The following RNFT2 variants were observed in gnomAD, a reference collection of about 807,000 sequenced individuals.
RNFT2 encodes the protein E3 ubiquitin-protein ligase RNFT2.
RNFT2 carries 36 observed loss-of-function variants against 53.0 expected under a neutral mutation model. The ratio of observed to expected loss-of-function variants is 0.68; its 90% CI spans 0.52 to 0.90. The LOEUF (loss-of-function observed/expected upper bound fraction) is 0.90, where lower values mean the gene tolerates loss of function less well. Ranked by LOEUF, RNFT2 falls within the 40% of genes least tolerant of loss-of-function variation. RNFT2 has a pLI of 0.00. For missense variants in RNFT2, 514 were observed against 585.6 expected, an observed-to-expected ratio of 0.88 and a Z score of 1.26; for synonymous variants, 260 against 253.2, an observed-to-expected ratio of 1.03 and a Z score of -0.26.
rs1872198065 is a variant in RNFT2, at chr12:116,750,872, ATATATATATTATATATAT to A, written c.550+566_550+583del. ...ATATAATATATATTATATATATATA[ATATATATATTATATATAT>A]AATATATATATATATATATTTTTTT... On this transcript the variant is annotated intron_variant, in intron 4 of 10. Transcript: ENST00000257575. 3.4e-3 allele frequency among the ~76,000 whole-genome samples: 4 copies of A among 1,160 alleles called. No homozygotes were observed. In the South Asian group the frequency reaches 0.077, roughly 22 times the overall value. 0.8% of individuals were successfully genotyped at this position (1,160 alleles called of 152,430 possible). A position where few individuals can be genotyped will look rare whatever the true frequency, so the allele number is the denominator to read the frequency against.
intron 1 of RNFT2, among the ~76,000 whole-genome samples, chr12:116,739,357 G>A (rs545890294): frequency 1.3e-5 from 2 of 152,176 alleles, no homozygotes; most frequent in South Asian, 2.1e-4. Flanking sequence ...CTTGTTGAGC[G>A]CCACTCTGTG....
intron 7 of RNFT2, among the ~76,000 whole-genome samples, chr12:116,789,123 T>C (rs573983851): frequency 6.3e-5 from 9 of 142,134 alleles, no homozygotes; most frequent in African/African-American, 1.9e-4. Context: ...GGAGAGTGGA[T>C]GGGTGGATGG....
chr12:116,843,857 T>G (rs955564242), intron 10 of RNFT2, among the ~76,000 whole-genome samples: 1 of 152,254 alleles, frequency 6.6e-6, no homozygotes, highest in Non-Finnish European at 1.5e-5. Context: ...ATTTGTCATC[T>G]GCATTCCCAT....
intron 7 of RNFT2, among the ~76,000 whole-genome samples, chr12:116,795,719 C>T (rs571497951): frequency 1.3e-5 from 2 of 152,182 alleles, no homozygotes; most frequent in African/African-American, 4.8e-5. Context: ...GATGGAGAAA[C>T]ATAAAAGCGG....
At chr12:116,789,374 AGAG>A (rs1874104365) in intron 7 of RNFT2, among the ~76,000 whole-genome samples, 1 of 141,828 alleles carries the variant, frequency 7.1e-6, no homozygotes, top group Non-Finnish European at 1.5e-5. Context: ...AAATGGGAGG[AGAG>A]TGAGTAGATG....
chr12:116,789,511 G>A (rs1384525144), intron 7 of RNFT2, among the ~76,000 whole-genome samples: 2 of 150,198 alleles, frequency 1.3e-5, no homozygotes, highest in Non-Finnish European at 3.0e-5. Context: ...ATGGGTAAAT[G>A]GGAGGAGAGT....
intron 6 of RNFT2, among the ~76,000 whole-genome samples, chr12:116,768,052 C>T (rs1872995401): frequency 6.6e-6 from 1 of 150,924 alleles, no homozygotes; most frequent in Non-Finnish European, 1.5e-5. Context: ...TAATAATTGC[C>T]TCTTGGTGGG....
At chr12:116,795,978 G>A (rs1330626689) in intron 7 of RNFT2, among the ~76,000 whole-genome samples, 10 of 151,584 alleles carry the variant, frequency 6.6e-5, no homozygotes, top group Admixed American at 5.3e-4. Flanking sequence ...GTGCAATCTC[G>A]GCTCACTGAA....
chr12:116,788,651 AGTTT>A (rs1235052932), intron 7 of RNFT2, among the ~76,000 whole-genome samples: 2 of 152,118 alleles, frequency 1.3e-5, no homozygotes, highest in Admixed American at 1.3e-4. Context: ...GAATGCATCC[AGTTT>A]GTTTGTTGAT....
At chr12:116,778,721 G>A (rs1028842694) in intron 6 of RNFT2, among the ~76,000 whole-genome samples, 1 of 152,200 alleles carries the variant, frequency 6.6e-6, no homozygotes. Context: ...TGAGTTGGCA[G>A]GTGCCTGTAA....
Position 116,740,531 on chromosome 12 carries a change from C to G in RNFT2, c.24+10C>G, listed in dbSNP as rs1367816176. The stretch of plus-strand genomic sequence containing the variant: ...CTTCACAGTGAATCAGGTGACACGT[C>G]TCCAAGAGAATTTGCATCTTTATTA... On this transcript the variant is annotated intron_variant, in intron 2 of 10. Transcript: ENST00000257575. 1 of 1,566,698 alleles carries G rather than the reference C, an allele frequency of 6.4e-7. No individual in the cohort carries two copies.
intron 7 of RNFT2, among the ~76,000 whole-genome samples, chr12:116,808,296 C>G (rs1482694566): frequency 6.6e-6 from 1 of 152,074 alleles, no homozygotes; most frequent in East Asian, 1.9e-4. Flanking sequence ...TGCTGCATTG[C>G]CCAGGCTGGT....
chr12:116,845,396 G>A (rs1418176717), intron 10 of RNFT2, among the ~76,000 whole-genome samples: 3 of 151,830 alleles, frequency 2.0e-5, no homozygotes, highest in Admixed American at 6.6e-5. Flanking sequence ...GAGAGAAGAC[G>A]CGATCAGTAC....
chr12:116,756,202 G>C (rs1339200141), intron 5 of RNFT2, among the ~76,000 whole-genome samples: 1 of 152,102 alleles, frequency 6.6e-6, no homozygotes, highest in Non-Finnish European at 1.5e-5. Flanking sequence ...CATGAGCATG[G>C]GATGTGTTTC....
rs551002100 is a variant in RNFT2, at chr12:116,818,408, T to C, written c.883-15384T>C. Among the ~76,000 whole-genome samples, 289 of 152,100 alleles carry C rather than the reference T, an allele frequency of 1.9e-3. 1 individual carries two copies. Among genetic ancestry groups the C allele is most frequent in the Non-Finnish European group, 3.1e-3 (212 of 67,982 alleles). On this transcript the variant is annotated intron_variant, in intron 7 of 10. Coordinates refer to ENST00000257575, the MANE Select transcript of RNFT2 (RefSeq NM_001382266.1). ...TTTGCCCTTAGTAACAGGCCCTGGC[T>C]CAGTGCCTGGTTCAGCACTGCCGTT...
intron 6 of RNFT2, among the ~76,000 whole-genome samples, chr12:116,771,185 G>A (rs1873159195): frequency 6.6e-6 from 1 of 151,974 alleles, no homozygotes; most frequent in African/African-American, 2.4e-5. Flanking sequence ...GATAGTCCAG[G>A]TGCGTTGGCT....
At chr12:116,838,540 C>A (rs1301224385) in intron 10 of RNFT2, among the ~76,000 whole-genome samples, 1 of 152,218 alleles carries the variant, frequency 6.6e-6, no homozygotes, top group Non-Finnish European at 1.5e-5. Context: ...CTTCTTCCCT[C>A]ACCAACACAC....
At chr12:116,759,285 G>A (rs894358713) in intron 5 of RNFT2, among the ~76,000 whole-genome samples, 3 of 152,044 alleles carry the variant, frequency 2.0e-5, no homozygotes, top group African/African-American at 4.8e-5. Flanking sequence ...TTTGGAATTC[G>A]TTGCACTGGG....
rs578255421 is a variant in RNFT2, at chr12:116,781,289, C to T, written c.882+1941C>T. Reference sequence around the variant, plus strand: ...GCTCTCTGCCCAGGGGGCTGACCTGCGCGAACTATATCAATGGGCTCCTGT... The same window carrying T: ...GCTCTCTGCCCAGGGGGCTGACCTGTGCGAACTATATCAATGGGCTCCTGT... On this transcript the variant is annotated intron_variant, in intron 7 of 10. Transcript: ENST00000257575. 4.6e-5 allele frequency among the ~76,000 whole-genome samples: 7 copies of T among 152,264 alleles called. No individual in the cohort carries two copies. In the South Asian group the frequency reaches 8.3e-4, roughly 18 times the overall value.
Sources: allele counts gnomAD v4.1 joint callset (sites outside exome capture counted in the v4.1 genomes callset), GRCh38; gene constraint gnomAD v4.1.1; transcripts MANE v1.5; gene names NCBI Gene and HGNC (gene_info 2026-07-23, HGNC 2026-07-21).